The following MYOM1 variants were observed in gnomAD, a reference collection of about 807,000 sequenced individuals.
MYOM1 encodes myomesin 1.
A neutral mutation model predicts 205.3 loss-of-function variants in MYOM1; 164 were observed. The ratio of observed to expected loss-of-function variants is 0.80; its 90% CI spans 0.70 to 0.91. The LOEUF (loss-of-function observed/expected upper bound fraction) is 0.91. Among genes scored for constraint, MYOM1 ranks in the 40% least tolerant of loss-of-function variants. The pLI is 0.00. For synonymous variants in MYOM1, 772 were observed against 789.4 expected, an observed-to-expected ratio of 0.98 and a Z score of 0.37; for missense variants, 2,011 against 2,127.3, an observed-to-expected ratio of 0.95 and a Z score of 1.08.
chr18:3,122,976 C>T (rs992302818), intron 19 of MYOM1, among the ~76,000 whole-genome samples: 3 of 151,974 alleles, frequency 2.0e-5, no homozygotes, highest in African/African-American at 4.8e-5. Context: ...CTAGAATGAC[C>T]AACATCACCA....
At chr18:3,174,872 C>A (rs77302574) in intron 6 of MYOM1, among the ~76,000 whole-genome samples, 2 of 152,174 alleles carry the variant, frequency 1.3e-5, no homozygotes, top group Non-Finnish European at 2.9e-5. Context: ...TTTGGATGTT[C>A]TTCTAAGTTA....
At chr18:3,171,957 A>T (rs1256493574) in intron 8 of MYOM1, among the ~76,000 whole-genome samples, 1 of 152,180 alleles carries the variant, frequency 6.6e-6, no homozygotes, top group Non-Finnish European at 1.5e-5. Context: ...AATTAAAAAG[A>T]CCAGGTTACA....
intron 36 of MYOM1, among the ~76,000 whole-genome samples, chr18:3,072,557 T>C (rs970290383): frequency 2.6e-5 from 4 of 151,844 alleles, no homozygotes; most frequent in African/African-American, 9.7e-5. Context: ...TTTCACCATG[T>C]TGGCCAGGTT....
rs1396354551 is a variant in MYOM1 at position 3,219,174 on chromosome 18, A to G, written c.-29+629T>C. ...GAATTTAGGAAGAAATACAAATTCCATAGCTGTAATTTATGATACTTTTGT... is the reference window on the plus strand; with the variant it reads ...GAATTTAGGAAGAAATACAAATTCCGTAGCTGTAATTTATGATACTTTTGT... On this transcript the variant is annotated intron_variant, in intron 1 of 37. Coordinates refer to ENST00000356443, the MANE Select transcript of MYOM1 (RefSeq NM_003803.4). The surrounding 1 kb of genome is among the most constrained non-coding windows in gnomAD (Gnocchi z 4.4). 1.3e-5 allele frequency among the ~76,000 whole-genome samples: 2 copies of G among 152,198 alleles called. No homozygotes were observed. The highest frequency in any genetic ancestry group is 4.1e-4 in the South Asian group (2 of 4,828).
At position 3,067,655 on chromosome 18, in the gene MYOM1, G is replaced by A. The variant is rs899359905; in HGVS notation, c.4765-100C>T. 6.7e-6 allele frequency: 9 copies of A among 1,339,048 alleles called. No homozygotes were observed. The African/African-American group carries it at 1.3e-4, about 20-fold the overall frequency. The allele number at this position is 1,339,048 out of a possible 1,614,324, so 82.9% of individuals were successfully genotyped here. A position where few individuals can be genotyped will look rare whatever the true frequency, so the allele number is the denominator to read the frequency against. On this transcript the variant is annotated intron_variant, in intron 37 of 37. Transcript: ENST00000356443. Reference sequence around the variant, plus strand: ...TGGTGGCTTGGCATGACCAAAGGGAGGATAAGTAAAAGCCTCCCGGACCAG... The same window carrying A: ...TGGTGGCTTGGCATGACCAAAGGGAAGATAAGTAAAAGCCTCCCGGACCAG...
intron 33 of MYOM1, 40 bp from the exon 34 acceptor site, chr18:3,079,382 A>G (rs2079058881): frequency 1.3e-6 from 2 of 1,567,044 alleles, no homozygotes; most frequent in African/African-American, 1.4e-5. Context: ...ATTTGCTTCC[A>G]TCCAGGGCTG....
chr18:3,182,215 G>C (rs1055445219), intron 5 of MYOM1, among the ~76,000 whole-genome samples: 8 of 151,758 alleles, frequency 5.3e-5, no homozygotes, highest in African/African-American at 1.7e-4. Context: ...AGATTTCCAT[G>C]GACAAATTCA....
Position 3,079,423 on chromosome 18 carries a change from G to C in MYOM1, c.4485-81C>G, listed in dbSNP as rs1029325589. The C allele has an allele frequency of 9.7e-6, 14 of 1,438,250 alleles. No individual in the cohort carries two copies. In the Admixed American group the frequency reaches 3.3e-4, roughly 34 times the overall value. 89.1% of individuals were successfully genotyped at this position (1,438,250 alleles called of 1,614,324 possible). A position where few individuals can be genotyped will look rare whatever the true frequency, so the allele number is the denominator to read the frequency against. The stretch of plus-strand genomic sequence containing the variant: ...TACTTTGTCTCTCATTGAAGCTCTT[G>C]CCATAAAGTTTTGTAGGCTTTCAAA... On this transcript the variant is annotated intron_variant, in intron 33 of 37. Transcript: ENST00000356443.
intron 19 of MYOM1, among the ~76,000 whole-genome samples, chr18:3,123,332 T>C (rs1442090157): frequency 6.6e-6 from 1 of 152,138 alleles, no homozygotes; most frequent in African/African-American, 2.4e-5. Context: ...TAATTATATG[T>C]GAAATCAATA....
At chr18:3,161,505 G>A (rs1214210493) in intron 10 of MYOM1, among the ~76,000 whole-genome samples, 1 of 152,202 alleles carries the variant, frequency 6.6e-6, no homozygotes, top group Non-Finnish European at 1.5e-5. Flanking sequence ...GCACTAAGCA[G>A]AAGTGATGAG....
rs1201427517 is a variant in MYOM1 at position 3,215,051 on chromosome 18, G to T, written c.173C>A (p.Ser58Tyr). ...GGCGGACGCCCGACGGAAGGCCTCG[G>T]ACTCCCGGCGGTGCGCGGCGGAGGA... Reference protein sequence around the residue: ...SRSSAAHRRESEAFRRASASS... With the variant: ...SRSSAAHRREYEAFRRASASS... Residue 58 changes from serine (S) to tyrosine (Y), a missense_variant, in exon 2 of 38, where the codon TCC (serine) becomes TAC (tyrosine). Physicochemically the swap from Ser to Tyr is moderately radical, Grantham distance 144 (BLOSUM62 -2). Coordinates refer to ENST00000356443, the MANE Select transcript of MYOM1 (RefSeq NM_003803.4). The T allele has an allele frequency of 6.2e-7, 1 of 1,613,316 alleles. No homozygotes were observed. Among genetic ancestry groups the T allele is most frequent in the Non-Finnish European group, 8.5e-7 (1 of 1,179,708 alleles).
chr18:3,097,549 G>A (rs1011539490), intron 25 of MYOM1, among the ~76,000 whole-genome samples: 2 of 151,664 alleles, frequency 1.3e-5, no homozygotes, highest in East Asian at 3.9e-4. Context: ...TCAGTCTCTC[G>A]AGGAGCTGCG....
chr18:3,195,326 A>G (rs912323444), intron 2 of MYOM1, among the ~76,000 whole-genome samples: 1 of 152,216 alleles, frequency 6.6e-6, no homozygotes, highest in Non-Finnish European at 1.5e-5. Context: ...TTAAAACTAA[A>G]GGTTAGAACT....
At position 3,116,486 on chromosome 18, in the gene MYOM1, C is replaced by G. The variant is rs775531572; in HGVS notation, c.3148G>C (p.Val1050Leu). The stretch of plus-strand genomic sequence containing the variant: ...TGGAGAACCAGTGAGTCTTTCCTGA[C>G]TTCACTACACTTGAGACTGTGCGGT... ...GPPHSLKCSE[V>L]RKDSLVLQWK... Residue 1050 changes from valine to leucine, a missense_variant, in exon 21 of 38, where the codon GTC becomes CTC. Coordinates refer to ENST00000356443, the MANE Select transcript of MYOM1 (RefSeq NM_003803.4). 3.1e-6 allele frequency: 5 copies of G among 1,602,616 alleles called. No homozygotes were observed. In the Admixed American group the frequency reaches 8.5e-5, roughly 27 times the overall value.
chr18:3,156,101 G>A (rs1303443687), intron 10 of MYOM1, among the ~76,000 whole-genome samples: 2 of 152,178 alleles, frequency 1.3e-5, no homozygotes. Flanking sequence ...AGGGAGAGAA[G>A]GGGGAATGAA....
At chr18:3,225,112 T>C in the MYOM1 span, among the ~76,000 whole-genome samples, 1 of 152,192 alleles carries the variant, frequency 6.6e-6, no homozygotes, top group Non-Finnish European at 1.5e-5. Flanking sequence ...CTCAGCCTCC[T>C]GAGTAGCTGG....
At chr18:3,072,023 G>T in intron 36 of MYOM1, 134 bp from the exon 37 acceptor site, 1 of 755,824 alleles carries the variant, frequency 1.3e-6, no homozygotes, top group Non-Finnish European at 2.2e-6. Context: ...TTTTCAACAT[G>T]CAAAAAAAGA....
At chr18:3,223,087 G>T (rs1176537914), upstream of MYOM1, among the ~76,000 whole-genome samples, 1 of 152,098 alleles carries the variant, frequency 6.6e-6, no homozygotes, top group Admixed American at 6.5e-5. Flanking sequence ...TCACCATGTT[G>T]CCAGGATGGT....
intron 2 of MYOM1, among the ~76,000 whole-genome samples, chr18:3,214,680 G>A (rs1324155543): frequency 1.3e-5 from 2 of 152,100 alleles, no homozygotes; most frequent in African/African-American, 2.4e-5. Context: ...GACATGAGCC[G>A]GGCGTGGTGG....
Sources: allele counts gnomAD v4.1 joint callset (sites outside exome capture counted in the v4.1 genomes callset), GRCh38; gene constraint gnomAD v4.1.1; non-coding constraint Gnocchi (gnomAD v3.1); transcripts MANE v1.5; gene names NCBI Gene and HGNC (gene_info 2026-07-23, HGNC 2026-07-21).